The following SOAT1 variants were observed in gnomAD, a reference collection of about 807,000 sequenced individuals.
The protein encoded by SOAT1 is sterol O-acyltransferase 1.
SOAT1 carries 55 observed loss-of-function variants against 69.5 expected under a neutral mutation model. The ratio of observed to expected loss-of-function variants is 0.79; its 90% CI spans 0.64 to 0.99. The LOEUF (loss-of-function observed/expected upper bound fraction) is 0.99. SOAT1 is among the 50% of genes least tolerant of loss of function. The pLI is 0.00. For missense variants in SOAT1, 580 were observed against 669.3 expected (o/e 0.87, Z 1.47); for synonymous variants, 231 against 224.7 (o/e 1.03, Z -0.25).
At chr1:179,348,742 G>A in intron 12 of SOAT1, 102 bp from the exon 13 acceptor site, 1 of 681,836 alleles carries the variant, frequency 1.5e-6, no homozygotes, top group South Asian at 1.9e-5. Context: ...AAGTCAGGGG[G>A]GTTTGCTTTC....
chr1:179,329,876 T>C (rs1009736023), intron 3 of SOAT1, among the ~76,000 whole-genome samples: 3 of 152,212 alleles, frequency 2.0e-5, no homozygotes, highest in African/African-American at 7.2e-5. Context: ...AATAGGGGCT[T>C]ATACAAGATT....
chr1:179,317,272 G>A (rs1418221132), intron 2 of SOAT1, among the ~76,000 whole-genome samples: 6 of 152,142 alleles, frequency 3.9e-5, no homozygotes, highest in African/African-American at 7.2e-5. Context: ...GGTGGCTCAC[G>A]CCTATAATCC....
At chr1:179,305,823 A>G (rs1211009021) in intron 2 of SOAT1, among the ~76,000 whole-genome samples, 1 of 152,232 alleles carries the variant, frequency 6.6e-6, no homozygotes, top group Admixed American at 6.5e-5. Flanking sequence ...TAAATGTAAG[A>G]TAGGGTACCA....
At chr1:179,353,217 A>ATATTTATATATATAAATATATATATTTT (rs1666803497) in intron 15 of SOAT1, among the ~76,000 whole-genome samples, 4 of 119,706 alleles carry the variant, frequency 3.3e-5, no homozygotes, top group Non-Finnish European at 3.4e-5. Flanking sequence ...AAATATATAT[A>ATATTTATATATATAAATATATATATTTT]TATATATCTA....
At chr1:179,311,795 T>C (rs1037794122) in intron 2 of SOAT1, among the ~76,000 whole-genome samples, 4 of 152,242 alleles carry the variant, frequency 2.6e-5, no homozygotes, top group Non-Finnish European at 4.4e-5. Context: ...TCAGTATCAC[T>C]GATGACATCC....
rs987499842 is a variant in SOAT1 at position 179,356,393 on chromosome 1, A to G, written c.*2752A>G. 2 of 149,734 alleles carry G rather than the reference A, an allele frequency of 1.3e-5. No homozygotes were observed. Among genetic ancestry groups the G allele is most frequent in the Non-Finnish European group, 3.0e-5 (2 of 67,546 alleles). The allele number at this position is 149,734 out of a possible 1,614,324, so 9.3% of individuals were successfully genotyped here. A position where few individuals can be genotyped will look rare whatever the true frequency, so the allele number is the denominator to read the frequency against. On this transcript the variant is annotated 3_prime_UTR_variant, in exon 16 of 16. Coordinates refer to ENST00000367619, the MANE Select transcript of SOAT1 (RefSeq NM_003101.6). ...GGAATTTTGTTTTGTTTGTTGGTAG[A>G]TTCACATACTAAAACTTTGCAGGTA...
chr1:179,349,000 G>A (rs1666631784), intron 13 of SOAT1, 58 bp downstream of exon 13: 4 of 935,518 alleles, frequency 4.3e-6, no homozygotes, highest in South Asian at 2.6e-5. Context: ...TTTTCAGAAA[G>A]TATGAGTATT....
rs772443047 is a variant in SOAT1 at position 179,323,393 on chromosome 1, G to C, written c.119-44G>C. 18 of 1,516,848 alleles carry C rather than the reference G, an allele frequency of 1.2e-5. 1 individual carries two copies. Among genetic ancestry groups the C allele is most frequent in the Middle Eastern group, 3.4e-4 (2 of 5,830 alleles). 94.0% of individuals were successfully genotyped at this position (1,516,848 alleles called of 1,614,324 possible). A position where few individuals can be genotyped will look rare whatever the true frequency, so the allele number is the denominator to read the frequency against. ...ATGATTTAGACAGTGCTACTAGGTA[G>C]CTGTATCCATCAACTTAAAAGTCAT... On this transcript the variant is annotated intron_variant, in intron 2 of 15. Coordinates refer to ENST00000367619, the MANE Select transcript of SOAT1 (RefSeq NM_003101.6).
chr1:179,324,227 T>A (rs1268711145), intron 3 of SOAT1, among the ~76,000 whole-genome samples: 2 of 152,238 alleles, frequency 1.3e-5, no homozygotes, highest in African/African-American at 2.4e-5. Context: ...TGTAATCATA[T>A]TTCATGAAAT....
intron 2 of SOAT1, among the ~76,000 whole-genome samples, chr1:179,311,503 T>C (rs959374440): frequency 6.6e-6 from 1 of 152,180 alleles, no homozygotes; most frequent in Non-Finnish European, 1.5e-5. Flanking sequence ...GTAAAATTCT[T>C]TCTCAGAACA....
At chr1:179,303,684 T>C (rs1664910935) in intron 2 of SOAT1, among the ~76,000 whole-genome samples, 2 of 152,234 alleles carry the variant, frequency 1.3e-5, no homozygotes, top group African/African-American at 4.8e-5. Flanking sequence ...ATGAGGTTTA[T>C]TGATAGGCTC....
intron 3 of SOAT1, among the ~76,000 whole-genome samples, chr1:179,327,295 G>A (rs988818371): frequency 6.6e-6 from 1 of 152,096 alleles, no homozygotes; most frequent in African/African-American, 2.4e-5. Flanking sequence ...TGCAAGTTAG[G>A]AATCTTTCCG....
intron 13 of SOAT1, among the ~76,000 whole-genome samples, chr1:179,349,494 A>G (rs2125003386): frequency 1.3e-5 from 2 of 151,868 alleles, no homozygotes; most frequent in African/African-American, 4.8e-5. Flanking sequence ...CGCCCAGCTA[A>G]TTTTCTATTT....
intron 2 of SOAT1, among the ~76,000 whole-genome samples, chr1:179,308,499 C>G (rs879647026): frequency 6.6e-6 from 1 of 152,000 alleles, no homozygotes; most frequent in East Asian, 1.9e-4. Context: ...TGATAAAACC[C>G]TGTCTCTACT....
intron 2 of SOAT1, among the ~76,000 whole-genome samples, chr1:179,317,368 G>C (rs371363663): frequency 8.6e-5 from 13 of 151,968 alleles, no homozygotes; most frequent in South Asian, 4.2e-4. Flanking sequence ...CCTGTCTCTA[G>C]TAAAAATACA....
intron 3 of SOAT1, among the ~76,000 whole-genome samples, chr1:179,329,347 TA>T (rs1254443743): frequency 2.7e-5 from 4 of 150,478 alleles, no homozygotes; most frequent in African/African-American, 7.3e-5. Context: ...CTCAAAAAAA[TA>T]AATTAAAAAA....
intron 15 of SOAT1, among the ~76,000 whole-genome samples, chr1:179,351,907 A>T (rs1052415434): frequency 6.6e-6 from 1 of 151,526 alleles, no homozygotes; most frequent in African/African-American, 2.4e-5. Context: ...TTTAGTAGAG[A>T]TGGGGTTTCA....
chr1:179,348,790 GT>G, intron 12 of SOAT1, 53 bp from the exon 13 acceptor site: 1 of 420,706 alleles, frequency 2.4e-6, no homozygotes, highest in Non-Finnish European at 4.2e-6. Flanking sequence ...GTGTGTGTGT[GT>G]GTGTGTGTGT....
chr1:179,305,603 G>A (rs896979466), intron 2 of SOAT1, among the ~76,000 whole-genome samples: 3 of 152,204 alleles, frequency 2.0e-5, no homozygotes, highest in African/African-American at 7.2e-5. Flanking sequence ...ATACGTAAGA[G>A]TTGAGTTGCT....
Sources: gnomAD v4.1 joint callset for allele counts (sites outside exome capture counted in the v4.1 genomes callset) on GRCh38, gnomAD v4.1.1 for gene constraint, MANE v1.5 for transcripts, NCBI Gene and HGNC (gene_info 2026-07-23, HGNC 2026-07-21) for gene names.